FAM83A: variants seen among roughly 807,000 people sequenced by gnomAD.
FAM83A encodes the protein protein FAM83A.
Under a neutral mutation model 24.4 loss-of-function variants are expected in FAM83A, and 21 were observed. The observed-to-expected ratio is 0.86, with a 90% CI of 0.61 to 1.24. FAM83A has a LOEUF of 1.24. Among genes scored for constraint, FAM83A ranks in the 50% most tolerant of loss-of-function variants. The pLI is 0.00. For missense variants in FAM83A, 617 were observed against 579.8 expected (o/e 1.06, Z -0.66); for synonymous variants, 270 against 252.4 (o/e 1.07, Z -0.66).
chr8:123,191,979 C>A lies in FAM83A; in HGVS notation c.648+9C>A. Reference sequence around the variant, plus strand: ...CTGACAGTCACCTCAAGGTAGGGGCCCCAATGAGAGTCCTAAGGGTACTCA... The same window carrying A: ...CTGACAGTCACCTCAAGGTAGGGGCACCAATGAGAGTCCTAAGGGTACTCA... On this transcript the variant is annotated intron_variant, in intron 2 of 3. Transcript: ENST00000690554. The A allele has an allele frequency of 6.2e-7, 1 of 1,613,642 alleles. No individual in the cohort carries two copies. Among genetic ancestry groups the A allele is most frequent in the South Asian group, 1.1e-5 (1 of 91,024 alleles).
intron 3 of FAM83A, 32 bp from the exon 4 acceptor site, chr8:123,207,125 C>T (rs1281444660): frequency 8.5e-7 from 1 of 1,178,414 alleles, no homozygotes; most frequent in African/African-American, 1.7e-5. Context: ...TCCCCCTTCT[C>T]CTCCATCACT....
intron 3 of FAM83A, chr8:123,202,070 C>CT (rs1824376964): frequency 6.6e-6 from 1 of 152,408 alleles, no homozygotes; most frequent in Non-Finnish European, 1.5e-5. Flanking sequence ...AATTGGCCTC[C>CT]TGCCCCGCCC....
intron 3 of FAM83A, among the ~76,000 whole-genome samples, chr8:123,206,910 GTCCTCC>G (rs201332673): frequency 6.6e-6 from 1 of 151,112 alleles, no homozygotes; most frequent in African/African-American, 2.4e-5. Context: ...CCTCCTATCT[GTCCTCC>G]TCCTCCTCCT....
At chr8:123,201,094 G>T (rs1824344351) in intron 3 of FAM83A, 1 of 151,716 alleles carries the variant, frequency 6.6e-6, no homozygotes, top group Non-Finnish European at 1.5e-5. Context: ...GGTGGAAGTT[G>T]TAGTGAGCCA....
At chr8:123,194,406 T>G (rs541347824) in intron 3 of FAM83A, among the ~76,000 whole-genome samples, 376 of 152,362 alleles carry the variant, frequency 2.5e-3, no homozygotes, top group Non-Finnish European at 4.6e-3. Context: ...TAGAATCCTC[T>G]TCTTTTCCCT....
chr8:123,183,135 G>A (rs564001604), exon 1 of FAM83A: 3 of 1,613,920 alleles, frequency 1.9e-6, no homozygotes, highest in East Asian at 4.5e-5. Flanking sequence ...CAGGCCCTAA[G>A]GGACTGGACT....
At chr8:123,202,704 A>T (rs948484641) in intron 3 of FAM83A, 7 of 152,610 alleles carry the variant, frequency 4.6e-5, no homozygotes, top group Non-Finnish European at 1.0e-4. Flanking sequence ...GTGCCTCACC[A>T]TCCATTAGCG....
chr8:123,187,172 T>C (rs1823830510), intron 1 of FAM83A, among the ~76,000 whole-genome samples: 1 of 151,966 alleles, frequency 6.6e-6, no homozygotes, highest in African/African-American at 2.4e-5. Flanking sequence ...GGCCCATGTG[T>C]CTTGGAGGTG....
At chr8:123,182,752 C>T (rs2131052826) in exon 1 of FAM83A, 6 of 1,482,328 alleles carry the variant, frequency 4.0e-6, no homozygotes, top group East Asian at 2.5e-5. Context: ...GGCGGCCTCC[C>T]GGGGGTGCGG....
rs567405764 is a variant in FAM83A, at chr8:123,197,598, C to A, written c.773+3450C>A. On this transcript the variant is annotated intron_variant, in intron 3 of 3. Coordinates refer to ENST00000690554, the Ensembl canonical transcript of FAM83A. ...TAGACATTGGGTTGTTTCCCCCTTT[C>A]GGCGATTGTGAATATTAGCTGAGGA... Among the ~76,000 whole-genome samples, 5 of 152,266 alleles carry A rather than the reference C, an allele frequency of 3.3e-5. No individual in the cohort carries two copies. The East Asian group carries it at 9.6e-4, about 29-fold the overall frequency.
intron 3 of FAM83A, among the ~76,000 whole-genome samples, chr8:123,198,844 C>T (rs1428138901): frequency 2.6e-5 from 4 of 152,150 alleles, no homozygotes; most frequent in African/African-American, 9.7e-5. Flanking sequence ...TCAAGAGATA[C>T]TTCCACCTCA....
chr8:123,201,499 T>C (rs1824355177), intron 3 of FAM83A: 1 of 152,198 alleles, frequency 6.6e-6, no homozygotes, highest in Non-Finnish European at 1.5e-5. Context: ...CCCTTGACAT[T>C]CAAAGGTGAC....
At chr8:123,204,293 G>C (rs1413452895) in intron 3 of FAM83A, among the ~76,000 whole-genome samples, 1 of 152,094 alleles carries the variant, frequency 6.6e-6, no homozygotes, top group Admixed American at 6.6e-5. Context: ...TAAAAAAGAT[G>C]TGACCTTTTC....
At chr8:123,184,106 C>T (rs1488004407) in intron 1 of FAM83A, among the ~76,000 whole-genome samples, 1 of 152,192 alleles carries the variant, frequency 6.6e-6, no homozygotes, top group South Asian at 2.1e-4. Flanking sequence ...CTTCCACCTC[C>T]TCCTGCTCCA....
At chr8:123,208,924 A>C (rs1586792744) in exon 4 of FAM83A, 1 of 981,396 alleles carries the variant, frequency 1.0e-6, no homozygotes, top group Non-Finnish European at 1.2e-6. Context: ...AGATTGCATC[A>C]CTGCACTCCA....
chr8:123,187,557 A>G (rs1417116537), intron 1 of FAM83A, among the ~76,000 whole-genome samples: 1 of 152,274 alleles, frequency 6.6e-6, no homozygotes, highest in Admixed American at 6.5e-5. Flanking sequence ...TTATGTTAAC[A>G]TACGATGGGC....
At chr8:123,207,694 C>T in exon 4 of FAM83A, 6 of 1,473,892 alleles carry the variant, frequency 4.1e-6, no homozygotes, top group Non-Finnish European at 5.4e-6. Context: ...TCTGAAGGTC[C>T]CATCCCCTGC....
chr8:123,183,414 C>A, intron 1 of FAM83A, 78 bp downstream of exon 1: 2 of 1,532,540 alleles, frequency 1.3e-6, no homozygotes, highest in Non-Finnish European at 1.8e-6. Context: ...GAGGGGGGTG[C>A]ATTTTGCTCC....
chr8:123,195,319 G>T (rs796635667), intron 3 of FAM83A, among the ~76,000 whole-genome samples: 3 of 152,138 alleles, frequency 2.0e-5, no homozygotes, highest in African/African-American at 7.2e-5. Flanking sequence ...GGGAGCAGGA[G>T]CCCGCAATGC....
Sources: gnomAD v4.1 joint callset for allele counts (sites outside exome capture counted in the v4.1 genomes callset) on GRCh38, gnomAD v4.1.1 for gene constraint, MANE v1.5 for transcripts, NCBI Gene and HGNC (gene_info 2026-07-23, HGNC 2026-07-21) for gene names.